ARL15: variants seen among roughly 807,000 people sequenced by gnomAD.
ARL15 encodes the protein ADP-ribosylation factor-like protein 15.
In ARL15, 19 loss-of-function variants were observed where a neutral mutation model predicts 25.2. The observed-to-expected ratio is 0.75, with a 90% CI of 0.53 to 1.10. The LOEUF is 1.10. Among genes scored for constraint, ARL15 ranks in the 50% least tolerant of loss-of-function variants. The pLI is 0.00. For synonymous variants in ARL15, 94 were observed against 86.8 expected (o/e 1.08, Z -0.46); for missense variants, 220 against 246.0 (o/e 0.89, Z 0.71).
At chr5:54,208,936 TA>T (rs1323016900) in intron 1 of ARL15, among the ~76,000 whole-genome samples, 1 of 152,096 alleles carries the variant, frequency 6.6e-6, no homozygotes, top group African/African-American at 2.4e-5. Flanking sequence ...TATTTGAAAT[TA>T]TGAAGAGGAG....
intron 1 of ARL15, among the ~76,000 whole-genome samples, chr5:54,200,552 G>T (rs1236239543): frequency 1.3e-5 from 2 of 151,766 alleles, no homozygotes; most frequent in East Asian, 3.9e-4. Flanking sequence ...ACCAATTGAG[G>T]GTACTTAAGT....
chr5:54,131,110 A>G (rs1293618467), intron 3 of ARL15, among the ~76,000 whole-genome samples: 3 of 152,176 alleles, frequency 2.0e-5, no homozygotes, highest in African/African-American at 7.2e-5. Flanking sequence ...ATCTCTTGTC[A>G]TCACCTCTAG....
intron 2 of ARL15, among the ~76,000 whole-genome samples, chr5:54,162,060 G>T (rs967173577): frequency 2.0e-5 from 3 of 150,152 alleles, no homozygotes; most frequent in Admixed American, 6.7e-5. Flanking sequence ...ACAACCAAAA[G>T]AATTCTGGAC....
At chr5:54,042,828 G>A (rs974248219) in intron 4 of ARL15, among the ~76,000 whole-genome samples, 3 of 152,088 alleles carry the variant, frequency 2.0e-5, no homozygotes, top group African/African-American at 4.8e-5. Context: ...GGTGTAACAC[G>A]GCTAGCAGCT....
intron 3 of ARL15, among the ~76,000 whole-genome samples, chr5:54,146,807 A>C (rs1400823695): frequency 6.6e-6 from 1 of 152,190 alleles, no homozygotes; most frequent in Admixed American, 6.5e-5. Context: ...CTACATGTAT[A>C]TACAGTCTTA....
At chr5:54,070,446 C>T (rs1360986072) in intron 4 of ARL15, among the ~76,000 whole-genome samples, 1 of 152,104 alleles carries the variant, frequency 6.6e-6, no homozygotes, top group East Asian at 1.9e-4. Flanking sequence ...ATGTGATGCC[C>T]TGGGTCACCT....
At chr5:53,928,477 A>G (rs1450549105) in intron 4 of ARL15, among the ~76,000 whole-genome samples, 1 of 152,200 alleles carries the variant, frequency 6.6e-6, no homozygotes, top group African/African-American at 2.4e-5. Context: ...TTCAGGTTAA[A>G]GAAAGGAAGA....
intron 1 of ARL15, among the ~76,000 whole-genome samples, chr5:54,189,505 A>G (rs1755335653): frequency 3.3e-5 from 5 of 152,206 alleles, no homozygotes; most frequent in Admixed American, 3.3e-4. Context: ...TATGTGGTCA[A>G]ATGATTTTGG....
At chr5:54,197,122 TG>T (rs1755572026) in intron 1 of ARL15, among the ~76,000 whole-genome samples, 1 of 151,818 alleles carries the variant, frequency 6.6e-6, no homozygotes, top group Non-Finnish European at 1.5e-5. Context: ...GTTTTCAGTT[TG>T]TTTTTTTTTT....
intron 1 of ARL15, among the ~76,000 whole-genome samples, chr5:54,239,846 CTATT>C (rs1756908535): frequency 6.6e-6 from 1 of 152,168 alleles, no homozygotes; most frequent in Non-Finnish European, 1.5e-5. Flanking sequence ...TAGCCCTAGA[CTATT>C]TACCTGCAAG....
chr5:54,005,268 T>TAAAGGAC (rs3055376), intron 4 of ARL15, among the ~76,000 whole-genome samples: 2 of 151,736 alleles, frequency 1.3e-5, no homozygotes, highest in South Asian at 2.1e-4. Flanking sequence ...ACTCCAAACA[T>TAAAGGAC]ACCTTCTGGT....
intron 4 of ARL15, among the ~76,000 whole-genome samples, chr5:54,003,660 C>A (rs1445888): frequency 0.065 from 5,416 of 83,310 alleles, 138 homozygotes; most frequent in East Asian, 0.14. Flanking sequence ...AAAATATTTT[C>A]TTTCTATCTA....
Position 54,001,029 on chromosome 5 carries a change from T to C in ARL15, c.462+112173A>G, listed in dbSNP as rs1385002567. The stretch of plus-strand genomic sequence containing the variant: ...TATCTCTGAATTTGTGTTTTGTAAG[T>C]GAAGTCGGATGAGCAGAGGATAAAA... On this transcript the variant is annotated intron_variant, in intron 4 of 4. Transcript: ENST00000504924. Among the ~76,000 whole-genome samples, 3 of 152,236 alleles carry C rather than the reference T, an allele frequency of 2.0e-5. 1 individual carries two copies. The highest frequency in any genetic ancestry group is 7.2e-5 in the African/African-American group (3 of 41,464).
chr5:53,928,238 T>C (rs910198307), intron 4 of ARL15, among the ~76,000 whole-genome samples: 3 of 152,170 alleles, frequency 2.0e-5, no homozygotes, highest in African/African-American at 7.2e-5. Context: ...TTATGGTTGC[T>C]TAGGTAGTTT....
chr5:54,241,113 T>C (rs1228694937), intron 1 of ARL15, among the ~76,000 whole-genome samples: 1 of 152,170 alleles, frequency 6.6e-6, no homozygotes, highest in Non-Finnish European at 1.5e-5. Context: ...TGATACTTAA[T>C]CAAAGTCCCA....
chr5:53,942,211 G>T (rs907369899), intron 4 of ARL15, among the ~76,000 whole-genome samples: 4 of 152,058 alleles, frequency 2.6e-5, no homozygotes, highest in Non-Finnish European at 5.9e-5. Flanking sequence ...TTGTGGGGTG[G>T]GTGGGGAAGA....
chr5:53,953,434 G>A (rs1342285008), intron 4 of ARL15, among the ~76,000 whole-genome samples: 2 of 152,186 alleles, frequency 1.3e-5, no homozygotes, highest in African/African-American at 4.8e-5. Flanking sequence ...ATACAGCAAA[G>A]TAGATTGAGT....
At chr5:54,143,430 G>A (rs1753822639) in intron 3 of ARL15, among the ~76,000 whole-genome samples, 1 of 150,114 alleles carries the variant, frequency 6.7e-6, no homozygotes, top group African/African-American at 2.5e-5. Context: ...CTTTTTTAAG[G>A]GTATCATTTC....
intron 4 of ARL15, among the ~76,000 whole-genome samples, chr5:53,931,332 A>T (rs1408273955): frequency 6.6e-6 from 1 of 152,208 alleles, no homozygotes; most frequent in Non-Finnish European, 1.5e-5. Context: ...GAAAAGATGT[A>T]CGTAGGACAC....
Sources: gnomAD v4.1 joint callset for allele counts (sites outside exome capture counted in the v4.1 genomes callset) on GRCh38, gnomAD v4.1.1 for gene constraint, MANE v1.5 for transcripts, NCBI Gene and HGNC (gene_info 2026-07-23, HGNC 2026-07-21) for gene names.